The following KCNQ5 variants were observed in gnomAD, a reference collection of about 807,000 sequenced individuals.
KCNQ5 encodes potassium voltage-gated channel subfamily KQT member 5.
KCNQ5 carries 30 observed loss-of-function variants against 98.2 expected under a neutral mutation model. The ratio of observed to expected loss-of-function variants is 0.31; its 90% CI spans 0.23 to 0.41. The LOEUF is 0.41. Ranked by LOEUF, KCNQ5 falls within the 10% of genes least tolerant of loss-of-function variation. The pLI is 1.00. For missense variants in KCNQ5, 835 were observed against 1,182.5 expected, an observed-to-expected ratio of 0.71 and a Z score of 4.31; for synonymous variants, 458 against 449.4, an observed-to-expected ratio of 1.02 and a Z score of -0.24.
chr6:73,068,054 G>T (rs2066369), intron 3 of KCNQ5, among the ~76,000 whole-genome samples: 2 of 152,074 alleles, frequency 1.3e-5, no homozygotes, highest in Non-Finnish European at 2.9e-5. Flanking sequence ...CCAGCACTTT[G>T]GGAGGCCAAG....
chr6:73,025,442 C>G (rs1188888509), intron 2 of KCNQ5, among the ~76,000 whole-genome samples: 1 of 151,852 alleles, frequency 6.6e-6, no homozygotes, highest in African/African-American at 2.4e-5. Context: ...CCTAACATGG[C>G]GAAACCCCAT....
chr6:72,788,210 AG>A (rs1269482208), intron 1 of KCNQ5, among the ~76,000 whole-genome samples: 4 of 152,214 alleles, frequency 2.6e-5, no homozygotes, highest in African/African-American at 9.6e-5. Flanking sequence ...TTAATGCTCT[AG>A]AGCTTACAGA....
At chr6:73,186,226 CA>C (rs573218640) in intron 11 of KCNQ5, among the ~76,000 whole-genome samples, 279 of 135,794 alleles carry the variant, frequency 2.1e-3, no homozygotes, top group Admixed American at 3.3e-3. Flanking sequence ...GACCTTGTCT[CA>C]AAAAAAAAAA....
intron 1 of KCNQ5, among the ~76,000 whole-genome samples, chr6:72,954,480 G>T (rs2150257939): frequency 6.6e-6 from 1 of 152,186 alleles, no homozygotes; most frequent in East Asian, 1.9e-4. Flanking sequence ...CTGTGGATAA[G>T]AAATTAACTT....
chr6:72,928,969 C>T (rs1015329586), intron 1 of KCNQ5, among the ~76,000 whole-genome samples: 5 of 152,078 alleles, frequency 3.3e-5, no homozygotes, highest in Admixed American at 6.6e-5. Flanking sequence ...TTTAAAGACT[C>T]ACAAAGCATC....
intron 1 of KCNQ5, among the ~76,000 whole-genome samples, chr6:72,780,875 A>G (rs1436084540): frequency 6.6e-6 from 1 of 152,180 alleles, no homozygotes; most frequent in African/African-American, 2.4e-5. Flanking sequence ...TGATTTTCTT[A>G]GATTCAGCAA....
chr6:72,795,426 T>G (rs1198958950), intron 1 of KCNQ5, among the ~76,000 whole-genome samples: 3 of 152,226 alleles, frequency 2.0e-5, no homozygotes, highest in African/African-American at 7.2e-5. Flanking sequence ...GCATATATTA[T>G]AGTAACATAA....
chr6:73,000,899 C>T (rs1769536502), intron 1 of KCNQ5, among the ~76,000 whole-genome samples: 1 of 152,198 alleles, frequency 6.6e-6, no homozygotes, highest in Non-Finnish European at 1.5e-5. Context: ...TAAATGCAGA[C>T]TCTGCCCTAC....
intron 1 of KCNQ5, among the ~76,000 whole-genome samples, chr6:72,790,414 G>A (rs908012828): frequency 5.9e-5 from 9 of 152,076 alleles, no homozygotes; most frequent in African/African-American, 1.2e-4. Flanking sequence ...GACAAACTTC[G>A]CATGTTCTCA....
chr6:72,979,928 A>G (rs539477257), intron 1 of KCNQ5, among the ~76,000 whole-genome samples: 4 of 152,332 alleles, frequency 2.6e-5, no homozygotes, highest in Non-Finnish European at 5.9e-5. Context: ...TTTATTAAAT[A>G]GGGAATTCTT....
intron 11 of KCNQ5, among the ~76,000 whole-genome samples, chr6:73,175,846 C>G (rs191075180): frequency 6.6e-6 from 1 of 152,038 alleles, no homozygotes; most frequent in Non-Finnish European, 1.5e-5. Context: ...CAACCTATAT[C>G]GGCACTTTTG....
At chr6:72,982,575 G>A (rs1004855074) in intron 1 of KCNQ5, among the ~76,000 whole-genome samples, 3 of 133,198 alleles carry the variant, frequency 2.3e-5, no homozygotes, top group African/African-American at 8.4e-5. Flanking sequence ...GTCTCTGCAT[G>A]TGAGATGGGT....
At chr6:72,687,104 T>C (rs1249470993) in intron 1 of KCNQ5, among the ~76,000 whole-genome samples, 2 of 152,178 alleles carry the variant, frequency 1.3e-5, no homozygotes, top group Admixed American at 6.5e-5. Flanking sequence ...ATAAATTACA[T>C]TTATATAGTG....
At position 72,671,088 on chromosome 6, in the gene KCNQ5, G is replaced by A. The variant is rs150704222; in HGVS notation, c.398+48501G>A. ...GGTCCTCATCCAAATGACCTTTAAC[G>A]CCCGTATTTCTACCAACATTCAGTT... On this transcript the variant is annotated intron_variant, in intron 1 of 13. Transcript: ENST00000370398. Among the ~76,000 whole-genome samples the A allele has an allele frequency of 2.3e-3, 354 of 152,138 alleles. 14 individuals carry two copies. In the East Asian group the frequency reaches 0.057, roughly 24 times the overall value.
At chr6:72,889,180 T>C (rs569428440) in intron 1 of KCNQ5, among the ~76,000 whole-genome samples, 1 of 152,224 alleles carries the variant, frequency 6.6e-6, no homozygotes, top group South Asian at 2.1e-4. Context: ...GAAAAAACCA[T>C]GCAAATATCG....
chr6:72,924,859 C>A (rs1331937682), intron 1 of KCNQ5, among the ~76,000 whole-genome samples: 1 of 152,086 alleles, frequency 6.6e-6, no homozygotes, highest in Non-Finnish European at 1.5e-5. Context: ...CTGGCTGTTC[C>A]TCATCTTATT....
At chr6:72,984,114 T>C in intron 1 of KCNQ5, among the ~76,000 whole-genome samples, 1 of 152,118 alleles carries the variant, frequency 6.6e-6, no homozygotes, top group East Asian at 1.9e-4. Flanking sequence ...CTGTATGAGG[T>C]GTCAGTCGGC....
intron 1 of KCNQ5, among the ~76,000 whole-genome samples, chr6:72,714,385 C>G (rs1044114770): frequency 1.6e-4 from 24 of 151,948 alleles, no homozygotes; most frequent in Non-Finnish European, 5.9e-5. Flanking sequence ...AATGGAGGAG[C>G]TTGTCATAAC....
At chr6:73,072,736 T>C (rs1239049159) in intron 3 of KCNQ5, among the ~76,000 whole-genome samples, 1 of 152,222 alleles carries the variant, frequency 6.6e-6, no homozygotes, top group African/African-American at 2.4e-5. Context: ...TTCTAAGTGA[T>C]GCAGTAAATT....
Sources: gnomAD v4.1 joint callset for allele counts (sites outside exome capture counted in the v4.1 genomes callset) on GRCh38, gnomAD v4.1.1 for gene constraint, MANE v1.5 for transcripts, NCBI Gene and HGNC (gene_info 2026-07-23, HGNC 2026-07-21) for gene names.